The following TTC28 variants were observed in gnomAD, a reference collection of about 807,000 sequenced individuals.
The protein encoded by TTC28 is tetratricopeptide repeat domain 28.
A neutral mutation model predicts 198.0 loss-of-function variants in TTC28; 61 were observed. The observed-to-expected ratio is 0.31, with a 90% confidence interval of 0.25 to 0.38. TTC28 has a LOEUF of 0.38. Ranked by LOEUF, TTC28 falls within the 10% of genes least tolerant of loss-of-function variation. The pLI is 1.00. For synonymous variants in TTC28, 1,171 were observed against 1,297.8 expected (o/e 0.90, Z 2.10); for missense variants, 2,678 against 3,164.0 (o/e 0.85, Z 3.69).
chr22:28,614,279 T>C (rs2050866079), intron 2 of TTC28, among the ~76,000 whole-genome samples: 1 of 152,082 alleles, frequency 6.6e-6, no homozygotes. Flanking sequence ...AAAACACTGC[T>C]CAAGGAAATA....
chr22:28,277,426 A>G (rs1049698244), intron 5 of TTC28, among the ~76,000 whole-genome samples: 3 of 152,240 alleles, frequency 2.0e-5, no homozygotes, highest in African/African-American at 7.2e-5. Context: ...GATCATCTGT[A>G]TCAGTGAATG....
In TTC28 at chr22:28,107,795, A is replaced by C; in HGVS notation, c.2050T>G (p.Phe684Val). 3 of 1,552,052 alleles carry C rather than the reference A, an allele frequency of 1.9e-6. No individual in the cohort carries two copies. Among genetic ancestry groups the C allele is most frequent in the Non-Finnish European group, 2.6e-6 (3 of 1,147,076 alleles). Reference protein sequence around the residue: ...AKAYCNLGLAFKALLNFSKAE... With the variant: ...AKAYCNLGLAVKALLNFSKAE... ...TTACTGAAATTCAGCAGAGCCTTGA[A>C]TGCTAGGCCCAAGTTGCAGTAGGCT... The change falls in exon 7 of 23, where the codon TTC (phenylalanine) becomes GTC (valine). Residue 684 changes from phenylalanine (F) to valine (V), a missense_variant. Coordinates refer to ENST00000397906, the MANE Select transcript of TTC28 (RefSeq NM_001145418.2).
intron 2 of TTC28, among the ~76,000 whole-genome samples, chr22:28,619,635 T>C (rs1391945336): frequency 6.6e-6 from 1 of 152,222 alleles, no homozygotes; most frequent in African/African-American, 2.4e-5. Flanking sequence ...ATGTGTATTA[T>C]GCAAAAATTA....
intron 2 of TTC28, among the ~76,000 whole-genome samples, chr22:28,348,312 T>A (rs933059208): frequency 2.0e-5 from 3 of 152,114 alleles, no homozygotes; most frequent in Non-Finnish European, 4.4e-5. Flanking sequence ...CCTTAAAAGA[T>A]AGAATGAAGC....
At chr22:28,322,256 G>C (rs2045458653) in intron 2 of TTC28, among the ~76,000 whole-genome samples, 2 of 151,942 alleles carry the variant, frequency 1.3e-5, no homozygotes, top group African/African-American at 4.8e-5. Context: ...CAAGCCAAAG[G>C]ACATTATTTA....
intron 5 of TTC28, among the ~76,000 whole-genome samples, chr22:28,197,677 A>G (rs1175396478): frequency 1.3e-5 from 2 of 152,128 alleles, no homozygotes; most frequent in Non-Finnish European, 2.9e-5. Flanking sequence ...AAATTTCCTG[A>G]AAAAAGTATC....
Position 28,134,920 on chromosome 22 carries a change from G to A in TTC28, c.1442-26517C>T, listed in dbSNP as rs1000829231. ...ATTTGTTTCAAGCTTATTCATAATTGCTCACTCATGCATTCTTATAATGTT... is the reference window on the plus strand; with the variant it reads ...ATTTGTTTCAAGCTTATTCATAATTACTCACTCATGCATTCTTATAATGTT... On this transcript the variant is annotated intron_variant, in intron 6 of 22. Coordinates refer to ENST00000397906, the MANE Select transcript of TTC28 (RefSeq NM_001145418.2). Among the ~76,000 whole-genome samples the A allele has an allele frequency of 2.6e-5, 4 of 152,030 alleles. No individual in the cohort carries two copies. In the South Asian group the frequency reaches 8.3e-4, roughly 32 times the overall value.
chr22:28,387,725 T>C (rs549212938), intron 2 of TTC28, among the ~76,000 whole-genome samples: 2 of 152,306 alleles, frequency 1.3e-5, no homozygotes, highest in South Asian at 2.1e-4. Context: ...TTTGAGGTCA[T>C]TGTAGATTCT....
At chr22:28,315,181 GT>G (rs1425206346) in intron 2 of TTC28, among the ~76,000 whole-genome samples, 1 of 152,186 alleles carries the variant, frequency 6.6e-6, no homozygotes, top group Non-Finnish European at 1.5e-5. Flanking sequence ...AGAATGTCAA[GT>G]TTAAGACTCT....
intron 2 of TTC28, among the ~76,000 whole-genome samples, chr22:28,595,743 G>A (rs2050529191): frequency 6.6e-6 from 1 of 152,184 alleles, no homozygotes; most frequent in African/African-American, 2.4e-5. Flanking sequence ...GGCCAACATG[G>A]TGAAACCCCA....
At chr22:28,461,823 T>C (rs548983601) in intron 2 of TTC28, among the ~76,000 whole-genome samples, 1 of 152,170 alleles carries the variant, frequency 6.6e-6, no homozygotes, top group African/African-American at 2.4e-5. Flanking sequence ...ACTCCATACA[T>C]TGTGCTCTCT....
At chr22:28,379,214 G>A (rs2046459344) in intron 2 of TTC28, among the ~76,000 whole-genome samples, 1 of 152,120 alleles carries the variant, frequency 6.6e-6, no homozygotes, top group African/African-American at 2.4e-5. Flanking sequence ...TGGAAACAGT[G>A]TGATGGTTCC....
chr22:28,484,800 A>G (rs1482562554), intron 2 of TTC28, among the ~76,000 whole-genome samples: 3 of 152,188 alleles, frequency 2.0e-5, no homozygotes, highest in Non-Finnish European at 2.9e-5. Context: ...CCTCGTAACT[A>G]TTCTCTGAAA....
At position 28,350,104 on chromosome 22, in the gene TTC28, T is replaced by C. The variant is rs1348518220; in HGVS notation, c.382-43461A>G. Among the ~76,000 whole-genome samples, 6 of 152,342 alleles carry C rather than the reference T, an allele frequency of 3.9e-5. No individual in the cohort carries two copies. In the East Asian group the frequency reaches 7.7e-4, roughly 20 times the overall value. On this transcript the variant is annotated intron_variant, in intron 2 of 22. Coordinates refer to ENST00000397906, the MANE Select transcript of TTC28 (RefSeq NM_001145418.2). Reference sequence around the variant, plus strand: ...GCACTGGAGAGAAACAGGTCCATTATCTCTCACCTTTCTTTGTCCCTTCCT... The same window carrying C: ...GCACTGGAGAGAAACAGGTCCATTACCTCTCACCTTTCTTTGTCCCTTCCT...
intron 3 of TTC28, among the ~76,000 whole-genome samples, chr22:28,299,561 T>C (rs540287581): frequency 6.6e-6 from 1 of 152,270 alleles, no homozygotes; most frequent in Admixed American, 6.5e-5. Context: ...AACCCAGGAA[T>C]TGCTAGAATA....
At chr22:28,384,263 G>A (rs2046540385) in intron 2 of TTC28, among the ~76,000 whole-genome samples, 1 of 151,590 alleles carries the variant, frequency 6.6e-6, no homozygotes, top group East Asian at 1.9e-4. Context: ...TTGGTTTTTT[G>A]TTTTGGTAGA....
intron 5 of TTC28, among the ~76,000 whole-genome samples, chr22:28,276,629 T>G (rs567308153): frequency 6.6e-6 from 1 of 152,298 alleles, no homozygotes; most frequent in South Asian, 2.1e-4. Context: ...CAGCTAAAAC[T>G]TAGTGTCTAC....
intron 12 of TTC28, among the ~76,000 whole-genome samples, chr22:28,032,579 T>G (rs538779954): frequency 6.6e-6 from 1 of 152,098 alleles, no homozygotes; most frequent in South Asian, 2.1e-4. Context: ...CAGATTTAAT[T>G]TTATCTCTAT....
chr22:28,384,279 G>A (rs2046540599), intron 2 of TTC28, among the ~76,000 whole-genome samples: 1 of 151,992 alleles, frequency 6.6e-6, no homozygotes, highest in Admixed American at 6.6e-5. Context: ...GTAGAGACAA[G>A]GTCTCATTAT....
Sources: allele counts gnomAD v4.1 joint callset (sites outside exome capture counted in the v4.1 genomes callset), GRCh38; gene constraint gnomAD v4.1.1; transcripts MANE v1.5; gene names NCBI Gene and HGNC (gene_info 2026-07-23, HGNC 2026-07-21).